The following UBP1 variants were observed in gnomAD, a reference collection of about 807,000 sequenced individuals.
The protein encoded by UBP1 is upstream binding protein 1.
Under a neutral mutation model 76.1 loss-of-function variants are expected in UBP1, and 22 were observed. That is an observed-to-expected ratio of 0.29 (90% confidence interval 0.21 to 0.41). The LOEUF (loss-of-function observed/expected upper bound fraction) is 0.41. Among genes scored for constraint, UBP1 ranks in the 10% least tolerant of loss-of-function variants. The pLI is 1.00. For missense variants in UBP1, 436 were observed against 668.1 expected (o/e 0.65, Z 3.83); for synonymous variants, 224 against 237.1 (o/e 0.94, Z 0.51).
chr3:33,394,171 G>A (rs542226482), intron 13 of UBP1, among the ~76,000 whole-genome samples: 5 of 148,766 alleles, frequency 3.4e-5, no homozygotes, highest in African/African-American at 7.4e-5. Context: ...GGGGGCACAC[G>A]CCACCATGCC....
chr3:33,411,717 C>A, intron 4 of UBP1, 30 bp from the exon 5 acceptor site: 1 of 1,564,618 alleles, frequency 6.4e-7, no homozygotes. Flanking sequence ...TACATAAAAA[C>A]ATCCACTTTA....
At chr3:33,439,488 AAT>A (rs2045254376) in intron 1 of UBP1, among the ~76,000 whole-genome samples, 1 of 152,338 alleles carries the variant, frequency 6.6e-6, no homozygotes, top group South Asian at 2.1e-4. Context: ...TTTTACAGCA[AAT>A]ATGAAGCACT....
chr3:33,402,927 A>T (rs1230839945), intron 8 of UBP1, 23 bp from the exon 9 acceptor site: 6 of 1,552,506 alleles, frequency 3.9e-6, no homozygotes, highest in Non-Finnish European at 5.3e-6. Context: ...ACAGAAATAA[A>T]TTAGTGATAT....
chr3:33,390,543 C>A, intron 15 of UBP1, 175 bp from the exon 16 acceptor site: 3 of 661,130 alleles, frequency 4.5e-6, no homozygotes, highest in Non-Finnish European at 5.3e-6. Flanking sequence ...CAAAAAACTT[C>A]ATGTACACAT....
chr3:33,402,441 C>T lies in UBP1; in HGVS notation c.1031+360G>A, dbSNP rs117282718. Reference sequence around the variant, plus strand: ...AATAACCCATTTGATATAAGCATTACAGACAAGTGAATGAACTTAGTAATA... The same window carrying T: ...AATAACCCATTTGATATAAGCATTATAGACAAGTGAATGAACTTAGTAATA... On this transcript the variant is annotated intron_variant, in intron 9 of 15. Coordinates refer to ENST00000283629, the MANE Select transcript of UBP1 (RefSeq NM_014517.5). Among the ~76,000 whole-genome samples the T allele has an allele frequency of 8.5e-5, 13 of 152,288 alleles. No homozygotes were observed. In the East Asian group the frequency reaches 2.3e-3, roughly 27 times the overall value.
At chr3:33,426,990 C>A (rs781140352) in intron 1 of UBP1, among the ~76,000 whole-genome samples, 1 of 152,204 alleles carries the variant, frequency 6.6e-6, no homozygotes, top group Non-Finnish European at 1.5e-5. Context: ...TTATTGGAGA[C>A]AAAGTCTCAC....
chr3:33,412,629 C>A, intron 4 of UBP1, 93 bp downstream of exon 4: 1 of 855,266 alleles, frequency 1.2e-6, no homozygotes, highest in South Asian at 1.6e-5. Context: ...AAAACTTTCC[C>A]CACACAAGTA....
At chr3:33,438,753 AGCC>A (rs1344361060) in intron 1 of UBP1, among the ~76,000 whole-genome samples, 6 of 152,216 alleles carry the variant, frequency 3.9e-5, no homozygotes, top group African/African-American at 9.7e-5. Flanking sequence ...TTCAAGGAGC[AGCC>A]ACCAAGATTC....
intron 1 of UBP1, among the ~76,000 whole-genome samples, chr3:33,434,865 T>TTAGTAGAGACGGGGTTTCACC (rs1389479550): frequency 5.9e-4 from 90 of 151,638 alleles, no homozygotes; most frequent in African/African-American, 1.9e-3. Context: ...TTTCGTATTT[T>TTAGTAGAGACGGGGTTTCACC]TAGTAGAGAC....
intron 1 of UBP1, among the ~76,000 whole-genome samples, chr3:33,431,529 A>G (rs2045112142): frequency 6.6e-6 from 1 of 151,952 alleles, no homozygotes. Context: ...TTACATCAGG[A>G]GTTCAAGACC....
rs914651193 is a variant in UBP1 at position 33,422,562 on chromosome 3, A to AT, written c.265+3027dup. 1.3e-3 allele frequency among the ~76,000 whole-genome samples: 191 copies of AT among 151,864 alleles called. 2 individuals are homozygous for AT. The highest frequency in any genetic ancestry group is 4.4e-3 in the African/African-American group (182 of 41,400). On this transcript the variant is annotated intron_variant, in intron 2 of 15. Transcript: ENST00000283629. ...AGTGAGATCCGCCATCTCTACGAAA[A>AT]TTTTTTTTAAAAATTTGCCAGGCAT... is the stretch of plus-strand genomic sequence containing the variant.
chr3:33,411,411 T>A (rs1169613148), intron 5 of UBP1, among the ~76,000 whole-genome samples, 170 bp downstream of exon 5: 2 of 152,188 alleles, frequency 1.3e-5, no homozygotes, highest in Non-Finnish European at 2.9e-5. Context: ...TATATGTTAG[T>A]TTAAAATAGG....
chr3:33,396,690 A>G (rs1559668187), intron 12 of UBP1: 1 of 445,608 alleles, frequency 2.2e-6, no homozygotes, highest in Non-Finnish European at 4.3e-6. Context: ...TACATTTTTA[A>G]TAACTGTTTA....
Position 33,400,301 on chromosome 3 carries a change from A to T in UBP1, c.1087-19T>A. 6.4e-7 allele frequency: 1 copy of T among 1,566,580 alleles called. No homozygotes were observed. The highest frequency in any genetic ancestry group is 8.7e-7 in the Non-Finnish European group (1 of 1,152,040). On this transcript the variant is annotated intron_variant, in intron 10 of 15. Transcript: ENST00000283629. Reference sequence around the variant, plus strand: ...GAATTTGCTATTAACAATGAAAATGAACATAAATAAAAGGAACCATTCAGA... The same window carrying T: ...GAATTTGCTATTAACAATGAAAATGTACATAAATAAAAGGAACCATTCAGA...
At chr3:33,397,791 A>G (rs1575454038) in intron 11 of UBP1, 1 of 152,280 alleles carries the variant, frequency 6.6e-6, no homozygotes, top group African/African-American at 2.4e-5. Context: ...ATGTCTCTCT[A>G]TACAGGTTTC....
chr3:33,430,400 A>G (rs1011726161), intron 1 of UBP1, among the ~76,000 whole-genome samples: 2 of 152,288 alleles, frequency 1.3e-5, no homozygotes, highest in South Asian at 4.2e-4. Flanking sequence ...ACTGACAGGT[A>G]GGGCTCCCAG....
chr3:33,432,629 C>A (rs1007862031), intron 1 of UBP1, among the ~76,000 whole-genome samples: 10 of 152,126 alleles, frequency 6.6e-5, no homozygotes, highest in African/African-American at 2.4e-4. Context: ...GCATTCCCCA[C>A]CCACACCAAA....
intron 1 of UBP1, among the ~76,000 whole-genome samples, chr3:33,433,365 T>TAAAAA (rs1170395728): frequency 8.8e-6 from 1 of 113,086 alleles, no homozygotes; most frequent in African/African-American, 3.4e-5. Context: ...ACCCAGCCTT[T>TAAAAA]AAAAAAAAAA....
chr3:33,419,409 C>T (rs2044823727), intron 2 of UBP1, among the ~76,000 whole-genome samples: 1 of 152,094 alleles, frequency 6.6e-6, no homozygotes, highest in Non-Finnish European at 1.5e-5. Context: ...GTGGGCGGAT[C>T]ACGAGGTCAG....
Sources: allele counts gnomAD v4.1 joint callset (sites outside exome capture counted in the v4.1 genomes callset), GRCh38; gene constraint gnomAD v4.1.1; transcripts MANE v1.5; gene names NCBI Gene and HGNC (gene_info 2026-07-23, HGNC 2026-07-21).